UQCC1: variants seen among roughly 807,000 people sequenced by gnomAD.
UQCC1 encodes bFGF-repressed Zic-binding protein.
In UQCC1, 38 loss-of-function variants were observed where a neutral mutation model predicts 48.0. The ratio of observed to expected loss-of-function variants is 0.79; its 90% CI spans 0.61 to 1.04. The LOEUF (loss-of-function observed/expected upper bound fraction) is 1.04. UQCC1 is among the 50% of genes least tolerant of loss of function. UQCC1 has a pLI of 0.00. For missense variants in UQCC1, 368 were observed against 381.8 expected (o/e 0.96, Z 0.30); for synonymous variants, 111 against 129.2 (o/e 0.86, Z 0.95).
chr20:35,342,515 CAG>C (rs1321218515), intron 7 of UQCC1, among the ~76,000 whole-genome samples: 5 of 152,212 alleles, frequency 3.3e-5, no homozygotes, highest in Admixed American at 2.0e-4. Flanking sequence ...GTAGGAGAGG[CAG>C]AGAGTGAAAT....
chr20:35,376,529 C>G (rs2061801924), intron 4 of UQCC1, among the ~76,000 whole-genome samples: 1 of 152,122 alleles, frequency 6.6e-6, no homozygotes, highest in Non-Finnish European at 1.5e-5. Flanking sequence ...AAGATACAAA[C>G]TATTAAAGCT....
At chr20:35,368,444 G>A (rs541294229) in intron 5 of UQCC1, among the ~76,000 whole-genome samples, 1 of 152,252 alleles carries the variant, frequency 6.6e-6, no homozygotes, top group South Asian at 2.1e-4. Flanking sequence ...ATACAGCTAT[G>A]AAAAGAGACA....
At chr20:35,405,662 G>A (rs1220524701) in intron 1 of UQCC1, among the ~76,000 whole-genome samples, 1 of 152,092 alleles carries the variant, frequency 6.6e-6, no homozygotes, top group Non-Finnish European at 1.5e-5. Flanking sequence ...CCAAGGCAGG[G>A]GGATCACCTG....
intron 4 of UQCC1, among the ~76,000 whole-genome samples, chr20:35,381,533 T>C (rs1003225032): frequency 2.0e-5 from 3 of 152,192 alleles, no homozygotes; most frequent in African/African-American, 7.2e-5. Context: ...TGGGCAAAGA[T>C]ATTTTGAAGA....
intron 6 of UQCC1, among the ~76,000 whole-genome samples, chr20:35,351,194 C>T (rs1049870418): frequency 2.6e-5 from 4 of 151,960 alleles, no homozygotes; most frequent in Admixed American, 1.3e-4. Flanking sequence ...AGTTCAAGAC[C>T]AGCCTGGCCA....
chr20:35,405,577 A>C (rs2062239184), intron 1 of UQCC1, among the ~76,000 whole-genome samples: 1 of 152,246 alleles, frequency 6.6e-6, no homozygotes, highest in East Asian at 1.9e-4. Context: ...GATCTAAATG[A>C]AAATATGTCT....
intron 4 of UQCC1, among the ~76,000 whole-genome samples, chr20:35,378,639 T>C (rs2061830940): frequency 6.6e-6 from 1 of 152,012 alleles, no homozygotes; most frequent in South Asian, 2.1e-4. Flanking sequence ...CAAAAAAAGA[T>C]AAAAAAGAGT....
At chr20:35,360,736 A>G (rs1426653852) in intron 6 of UQCC1, among the ~76,000 whole-genome samples, 2 of 151,960 alleles carry the variant, frequency 1.3e-5, no homozygotes, top group African/African-American at 4.8e-5. Context: ...ACCCTGTGCT[A>G]GTTTCAGGTT....
At chr20:35,404,832 G>C (rs1394471430) in intron 1 of UQCC1, among the ~76,000 whole-genome samples, 3 of 152,170 alleles carry the variant, frequency 2.0e-5, no homozygotes, top group African/African-American at 4.8e-5. Flanking sequence ...AGAGGTAACT[G>C]TTTGACTTCA....
chr20:35,304,092 G>A (rs776602611), intron 9 of UQCC1, 23 bp from the exon 10 acceptor site: 2 of 1,613,838 alleles, frequency 1.2e-6, no homozygotes, highest in South Asian at 1.1e-5. Context: ...GAGGGGGAAG[G>A]AGGAAGCGAC....
At chr20:35,306,857 T>C (rs781540172) in intron 8 of UQCC1, 78 bp from the exon 9 acceptor site, 2 of 1,149,694 alleles carry the variant, frequency 1.7e-6, no homozygotes, top group Non-Finnish European at 2.6e-6. Context: ...ACTATGAACA[T>C]GCTAGCAACC....
chr20:35,386,373 A>AT (rs1015625731), intron 2 of UQCC1: 3 of 452,524 alleles, frequency 6.6e-6, no homozygotes, highest in South Asian at 1.6e-5. Flanking sequence ...AATGAAAATG[A>AT]TTTTTTTTCT....
rs542679596 is a variant in UQCC1 at position 35,400,481 on chromosome 20, CAAA to C, written c.25-6288_25-6286del. On this transcript the variant is annotated intron_variant, in intron 1 of 9. Coordinates refer to ENST00000374385, the MANE Select transcript of UQCC1 (RefSeq NM_018244.5). ...TTTTGCCTTTCCAACACTTCAAAAC[CAAA>C]AAAAAAATTTTTTTCTTTTTTTTTT... Among the ~76,000 whole-genome samples, 65 of 147,506 alleles carry C rather than the reference CAAA, an allele frequency of 4.4e-4. No individual in the cohort carries two copies. In the East Asian group the frequency reaches 0.012, roughly 28 times the overall value.
In UQCC1 at chr20:35,339,368, T is replaced by C. The variant is rs552377790; in HGVS notation, c.573+7796A>G. Among the ~76,000 whole-genome samples the C allele has an allele frequency of 4.6e-5, 7 of 152,210 alleles. No individual in the cohort carries two copies. The East Asian group carries it at 9.7e-4, about 21-fold the overall frequency. ...TCAGAGAAGGGAGTGGCCAGATATA[T>C]GAACATTATTGGTGAATACTGGAAA... is the stretch of plus-strand genomic sequence containing the variant. On this transcript the variant is annotated intron_variant, in intron 7 of 9. Transcript: ENST00000374385.
intron 9 of UQCC1, chr20:35,306,459 C>A: frequency 1.8e-6 from 1 of 551,334 alleles, no homozygotes; most frequent in Non-Finnish European, 3.3e-6. Context: ...GCCTCTTTCT[C>A]TCTCTCTTCC....
At chr20:35,318,061 A>G (rs1357178590) in intron 7 of UQCC1, among the ~76,000 whole-genome samples, 1 of 152,204 alleles carries the variant, frequency 6.6e-6, no homozygotes, top group African/African-American at 2.4e-5. Flanking sequence ...TTGTTCTCCT[A>G]ATTGTGTTAG....
chr20:35,314,537 C>T (rs955716434), intron 8 of UQCC1, 151 bp downstream of exon 8: 5 of 522,860 alleles, frequency 9.6e-6, no homozygotes, highest in African/African-American at 7.6e-5. Context: ...CATTCATTCT[C>T]GCTGCCCAGT....
At position 35,303,891 on chromosome 20, in the gene UQCC1, G is replaced by A; in HGVS notation, c.*44C>T. The A allele has an allele frequency of 1.2e-6, 2 of 1,613,898 alleles. No homozygotes were observed. The highest frequency in any genetic ancestry group is 1.7e-6 in the Non-Finnish European group (2 of 1,179,868). ...ACCAACAGGCACTTCTCTCCTGGAGGTTCCTCGAAGCCAGCTGGCGGGCCG... is the reference window on the plus strand; with the variant it reads ...ACCAACAGGCACTTCTCTCCTGGAGATTCCTCGAAGCCAGCTGGCGGGCCG... On this transcript the variant is annotated 3_prime_UTR_variant, in exon 10 of 10. Coordinates refer to ENST00000374385, the MANE Select transcript of UQCC1 (RefSeq NM_018244.5).
intron 5 of UQCC1, among the ~76,000 whole-genome samples, chr20:35,373,348 T>C (rs939300681): frequency 3.9e-5 from 6 of 152,148 alleles, no homozygotes; most frequent in Non-Finnish European, 8.8e-5. Flanking sequence ...AAAACAGGAA[T>C]AGCTGGCCAA....
Sources: allele counts gnomAD v4.1 joint callset (sites outside exome capture counted in the v4.1 genomes callset), GRCh38; gene constraint gnomAD v4.1.1; transcripts MANE v1.5; gene names NCBI Gene and HGNC (gene_info 2026-07-23, HGNC 2026-07-21).